Variants in NTNG2 observed in about 807,000 individuals in gnomAD.
The protein encoded by NTNG2 is netrin-G2.
NTNG2 carries 15 observed loss-of-function variants against 47.6 expected under a neutral mutation model. That is an observed-to-expected ratio of 0.32 (90% CI 0.21 to 0.49). NTNG2 has a LOEUF of 0.49. NTNG2 is among the 20% of genes least tolerant of loss of function. NTNG2 has a pLI of 0.99. For missense variants in NTNG2, 578 were observed against 764.6 expected, an observed-to-expected ratio of 0.76 and a Z score of 2.88; for synonymous variants, 307 against 324.6, an observed-to-expected ratio of 0.95 and a Z score of 0.58.
At chr9:132,205,558 G>A (rs1839106435) in intron 3 of NTNG2, among the ~76,000 whole-genome samples, 1 of 152,322 alleles carries the variant, frequency 6.6e-6, no homozygotes, top group African/African-American at 2.4e-5. Flanking sequence ...CACTGTGGAT[G>A]TGCTAATGCC....
intron 2 of NTNG2, among the ~76,000 whole-genome samples, chr9:132,179,879 G>T (rs929679729): frequency 1.3e-5 from 2 of 152,176 alleles, no homozygotes; most frequent in African/African-American, 4.8e-5. Context: ...GAGAGCTAGC[G>T]GGGCTGGGAT....
intron 3 of NTNG2, among the ~76,000 whole-genome samples, chr9:132,219,219 AC>A (rs1840189338): frequency 2.0e-5 from 3 of 150,668 alleles, no homozygotes; most frequent in East Asian, 2.0e-4. Context: ...CTGTCTCAAA[AC>A]AAAAAAAAAA....
intron 3 of NTNG2, among the ~76,000 whole-genome samples, chr9:132,214,555 A>G (rs984688030): frequency 3.9e-5 from 6 of 152,176 alleles, no homozygotes; most frequent in African/African-American, 7.2e-5. Flanking sequence ...TCATCCATTC[A>G]AGAAAAAGGG....
chr9:132,178,000 C>T (rs1417697629), intron 2 of NTNG2, among the ~76,000 whole-genome samples: 1 of 152,194 alleles, frequency 6.6e-6, no homozygotes, highest in African/African-American at 2.4e-5. Context: ...ATGTGCACTA[C>T]TTCATGAAAC....
intron 2 of NTNG2, among the ~76,000 whole-genome samples, chr9:132,187,692 C>A (rs1052571154): frequency 6.6e-6 from 1 of 152,128 alleles, no homozygotes; most frequent in African/African-American, 2.4e-5. Flanking sequence ...ACAGAATCTC[C>A]GTTTCCGCTT....
At chr9:132,185,829 G>A (rs1830974489) in intron 2 of NTNG2, among the ~76,000 whole-genome samples, 1 of 100,700 alleles carries the variant, frequency 9.9e-6, no homozygotes, top group East Asian at 2.3e-4. Flanking sequence ...GCAGGGAGGA[G>A]GAGGAGGAGT....
chr9:132,213,478 C>T (rs1052965136), intron 3 of NTNG2, among the ~76,000 whole-genome samples: 2 of 152,200 alleles, frequency 1.3e-5, no homozygotes, highest in African/African-American at 4.8e-5. Flanking sequence ...CATGTAAGCC[C>T]GCAGCCCCCT....
intron 2 of NTNG2, among the ~76,000 whole-genome samples, chr9:132,194,412 C>A (rs998305460): frequency 1.3e-5 from 2 of 152,240 alleles, no homozygotes; most frequent in Non-Finnish European, 2.9e-5. Context: ...GCCATCCCCA[C>A]AGCCTCTCAG....
chr9:132,174,773 T>A (rs2131321077), intron 2 of NTNG2, among the ~76,000 whole-genome samples: 1 of 151,726 alleles, frequency 6.6e-6, no homozygotes, highest in East Asian at 1.9e-4. Flanking sequence ...AATACAAAAA[T>A]TAGCCGGGTG....
At chr9:132,173,328 T>C (rs913210834) in intron 2 of NTNG2, among the ~76,000 whole-genome samples, 9 of 152,232 alleles carry the variant, frequency 5.9e-5, no homozygotes, top group Admixed American at 2.6e-4. Context: ...CAGTAGACAA[T>C]GAGAAGACCG....
At chr9:132,241,640 C>T (rs1841991963) in intron 7 of NTNG2, 3 of 521,302 alleles carry the variant, frequency 5.8e-6, no homozygotes, top group South Asian at 4.5e-5. Context: ...AGAACAGCAC[C>T]GAGGCCAGTG....
rs1001788382 is a variant in NTNG2, at chr9:132,221,869, G to A, written c.858-4980G>A. ...TTCTTGGATTCGGCCGGTCTTCTAT[G>A]CATCTTTACTAAGCCAAGGTCAATG... On this transcript the variant is annotated intron_variant, in intron 3 of 7. Transcript: ENST00000393229. This position sits in a 1 kb window ranked among gnomAD's most constrained non-coding sequence, Gnocchi z 4.2. Among the ~76,000 whole-genome samples, 1 of 152,186 alleles carries A rather than the reference G, an allele frequency of 6.6e-6. No homozygotes were observed. The highest frequency in any genetic ancestry group is 6.5e-5 in the Admixed American group (1 of 15,278).
chr9:132,186,123 C>A (rs547680676), intron 2 of NTNG2, among the ~76,000 whole-genome samples: 1 of 152,300 alleles, frequency 6.6e-6, no homozygotes, highest in African/African-American at 2.4e-5. Context: ...GCCCCACACT[C>A]GAAGGAGGGA....
chr9:132,234,609 G>C (rs547685192), intron 5 of NTNG2, among the ~76,000 whole-genome samples: 38 of 152,344 alleles, frequency 2.5e-4, no homozygotes, highest in African/African-American at 7.7e-4. Flanking sequence ...TGTTTCTCCC[G>C]CCTGCCAATG....
At chr9:132,241,365 G>A (rs1841976164) in intron 7 of NTNG2, 1 of 447,736 alleles carries the variant, frequency 2.2e-6, no homozygotes, top group Non-Finnish European at 4.0e-6. Context: ...TGGCAGGTGG[G>A]CGGGGACAGG....
chr9:132,236,822 G>A lies in NTNG2; in HGVS notation c.1055-2282G>A, dbSNP rs1285279143. On this transcript the variant is annotated intron_variant, in intron 5 of 7. Transcript: ENST00000393229. The surrounding 1 kb of genome is among the most constrained non-coding windows in gnomAD (Gnocchi z 4.3). Reference sequence around the variant, plus strand: ...GGTCCCAGCGGGATTCTGGGCAGTGGAAGGCAGGTGCCGTCCGTGTTCCTG... The same window carrying A: ...GGTCCCAGCGGGATTCTGGGCAGTGAAAGGCAGGTGCCGTCCGTGTTCCTG... Among the ~76,000 whole-genome samples the A allele has an allele frequency of 6.6e-6, 1 of 152,236 alleles. No homozygotes were observed. The highest frequency in any genetic ancestry group is 1.5e-5 in the Non-Finnish European group (1 of 68,046).
rs1214004542 is a variant in NTNG2 at position 132,163,033 on chromosome 9, C to G, written c.-484+794C>G. Among the ~76,000 whole-genome samples, 1 of 152,016 alleles carries G rather than the reference C, an allele frequency of 6.6e-6. No homozygotes were observed. The highest frequency in any genetic ancestry group is 1.5e-5 in the Non-Finnish European group (1 of 67,972). ...GCCGGGTCGCCACAGGCGGCAGCGC[C>G]GGGGCAAAGGATACAGCCAGTTCCT... On this transcript the variant is annotated intron_variant, in intron 1 of 7. Transcript: ENST00000393229. This position sits in a 1 kb window ranked among gnomAD's most constrained non-coding sequence, Gnocchi z 7.2.
At chr9:132,227,617 C>T (rs753902100) in intron 4 of NTNG2, among the ~76,000 whole-genome samples, 7 of 152,270 alleles carry the variant, frequency 4.6e-5, no homozygotes, top group Middle Eastern at 3.4e-3. Flanking sequence ...ACTGAGCTTC[C>T]GTTATCCCTT....
At position 132,173,052 on chromosome 9, in the gene NTNG2, CTG is replaced by C. The variant is rs540694504; in HGVS notation, c.213+6009_213+6010del. On this transcript the variant is annotated intron_variant, in intron 2 of 7. Transcript: ENST00000393229. ...CCAGGGCTGAGTCTTGAAGGAAAAA[CTG>C]GGGTTTGGGTCAGGACAGAGGAGAC... 5.9e-5 allele frequency among the ~76,000 whole-genome samples: 9 copies of C among 152,210 alleles called. No individual in the cohort carries two copies. In the East Asian group the frequency reaches 1.6e-3, roughly 26 times the overall value.
Sources: allele counts gnomAD v4.1 joint callset (sites outside exome capture counted in the v4.1 genomes callset), GRCh38; gene constraint gnomAD v4.1.1; non-coding constraint Gnocchi (gnomAD v3.1); transcripts MANE v1.5; gene names NCBI Gene and HGNC (gene_info 2026-07-23, HGNC 2026-07-21).